Variants in SIRPD observed in about 807,000 individuals in gnomAD.
The protein encoded by SIRPD is signal regulatory protein delta, also known as signal-regulatory protein delta.
SIRPD carries 21 observed loss-of-function variants against 18.0 expected under a neutral mutation model. The ratio of observed to expected loss-of-function variants is 1.17; its 90% confidence interval spans 0.83 to 1.68. The LOEUF is 1.68. SIRPD is among the 40% of genes most tolerant of loss of function. SIRPD has a pLI of 0.00. For synonymous variants in SIRPD, 106 were observed against 92.9 expected (o/e 1.14, Z -0.81); for missense variants, 295 against 238.4 (o/e 1.24, Z -1.56).
At chr20:1,552,434 G>A (rs749556000) in intron 1 of SIRPD, among the ~76,000 whole-genome samples, 1 of 152,156 alleles carries the variant, frequency 6.6e-6, no homozygotes, top group Non-Finnish European at 1.5e-5. Context: ...CACTGAGTTT[G>A]GGGTTGGCCT....
At chr20:1,537,821 A>G (rs1427642707) in intron 2 of SIRPD, among the ~76,000 whole-genome samples, 1 of 152,194 alleles carries the variant, frequency 6.6e-6, no homozygotes, top group Non-Finnish European at 1.5e-5. Flanking sequence ...AAGGAGTTCG[A>G]TCTTGGGAGG....
At chr20:1,550,005 T>C (rs2091011619) in intron 2 of SIRPD, among the ~76,000 whole-genome samples, 1 of 152,200 alleles carries the variant, frequency 6.6e-6, no homozygotes, top group Admixed American at 6.5e-5. Flanking sequence ...GTATTCTCCC[T>C]CTAAACAGCT....
chr20:1,551,804 C>G lies in SIRPD; in HGVS notation c.308G>C (p.Arg103Pro), dbSNP rs544459032. ...ATCAGCAAGAGAGATTTCACGGATGCGGGTGGAAAAGTCTGTGTTGCCAGG... is the reference window on the plus strand; with the variant it reads ...ATCAGCAAGAGAGATTTCACGGATGGGGGTGGAAAAGTCTGTGTTGCCAGG... ...TKPGNTDFST[R>P]IREISLADAG... The change falls in exon 2 of 4, where the codon CGC becomes CCC. Residue 103 changes from arginine to proline, a missense_variant. Coordinates refer to ENST00000381623, the MANE Select transcript of SIRPD (RefSeq NM_178460.3). 1.2e-6 allele frequency: 2 copies of G among 1,614,054 alleles called. No individual in the cohort carries two copies. The highest frequency in any genetic ancestry group is 1.7e-6 in the Non-Finnish European group (2 of 1,179,970).
At chr20:1,556,699 G>T (rs1294032803) in intron 1 of SIRPD, among the ~76,000 whole-genome samples, 1 of 152,094 alleles carries the variant, frequency 6.6e-6, no homozygotes, top group Non-Finnish European at 1.5e-5. Flanking sequence ...ATACAGGGAG[G>T]GTGGTGCCAC....
chr20:1,550,374 G>A (rs564054590), intron 2 of SIRPD, among the ~76,000 whole-genome samples: 6 of 152,216 alleles, frequency 3.9e-5, no homozygotes, highest in Non-Finnish European at 5.9e-5. Context: ...TTGGTAGGAA[G>A]AAGCTGTCTT....
chr20:1,540,361 A>G, intron 2 of SIRPD: 1 of 455,874 alleles, frequency 2.2e-6, no homozygotes, highest in South Asian at 1.6e-5. Context: ...AAACAACTTT[A>G]TTGAGATGTA....
At chr20:1,556,915 G>A (rs1056871795) in intron 1 of SIRPD, among the ~76,000 whole-genome samples, 1 of 152,172 alleles carries the variant, frequency 6.6e-6, no homozygotes, top group Non-Finnish European at 1.5e-5. Flanking sequence ...CAAATGCAGT[G>A]GCAACAGAGA....
chr20:1,545,505 A>G (rs748891666), intron 2 of SIRPD, among the ~76,000 whole-genome samples: 1 of 152,186 alleles, frequency 6.6e-6, no homozygotes, highest in Non-Finnish European at 1.5e-5. Flanking sequence ...TATTCTAGTT[A>G]GCAGTTCCTG....
chr20:1,535,540 G>T (rs1830512292), intron 3 of SIRPD, among the ~76,000 whole-genome samples: 1 of 152,122 alleles, frequency 6.6e-6, no homozygotes, highest in African/African-American at 2.4e-5. Flanking sequence ...TAGTATGCTA[G>T]CATGCTCAGT....
intron 1 of SIRPD, among the ~76,000 whole-genome samples, chr20:1,552,598 G>A (rs2091024319): frequency 6.6e-6 from 1 of 152,148 alleles, no homozygotes; most frequent in African/African-American, 2.4e-5. Flanking sequence ...AGAAGGGAGA[G>A]GGTTTCCTCT....
Position 1,551,910 on chromosome 20 carries a change from T to C in SIRPD, c.202A>G (p.Thr68Ala), listed in dbSNP as rs1600072656. ...TAGATTAATTTCCGGTTTGGCCCTG[T>C]TCCCTTGAACCACAAGACAGGTCCA... ...PNGPVLWFKG[T>A]GPNRKLIYNF... Residue 68 changes from threonine to alanine, a missense_variant, in exon 2 of 4, where the codon ACA becomes GCA. Transcript: ENST00000381623. The C allele has an allele frequency of 6.2e-7, 1 of 1,614,138 alleles. No homozygotes were observed.
intron 2 of SIRPD, among the ~76,000 whole-genome samples, chr20:1,551,489 C>T (rs1337844236): frequency 1.3e-5 from 2 of 152,192 alleles, no homozygotes; most frequent in African/African-American, 4.8e-5. Flanking sequence ...TAGCTCTTAT[C>T]ACTCATCACT....
intron 2 of SIRPD, among the ~76,000 whole-genome samples, chr20:1,550,122 C>T (rs1009382724): frequency 1.3e-5 from 2 of 152,126 alleles, no homozygotes; most frequent in Non-Finnish European, 2.9e-5. Flanking sequence ...GTTCCAGTAC[C>T]CATAACCTGG....
chr20:1,535,678 TTC>T (rs915073224), intron 3 of SIRPD, among the ~76,000 whole-genome samples: 2 of 152,158 alleles, frequency 1.3e-5, no homozygotes, highest in African/African-American at 2.4e-5. Context: ...AAGAAATAGG[TTC>T]TTTTTCTTTA....
At chr20:1,549,451 A>G (rs374942510) in intron 2 of SIRPD, among the ~76,000 whole-genome samples, 1 of 151,420 alleles carries the variant, frequency 6.6e-6, no homozygotes, top group Non-Finnish European at 1.5e-5. Flanking sequence ...GAAACTGGAC[A>G]TCTTAGATAA....
chr20:1,549,227 C>T (rs2091007338), intron 2 of SIRPD, among the ~76,000 whole-genome samples: 1 of 152,074 alleles, frequency 6.6e-6, no homozygotes, highest in Non-Finnish European at 1.5e-5. Flanking sequence ...CTATTTGATG[C>T]AACATTATCA....
chr20:1,553,801 C>T (rs2091028989), intron 1 of SIRPD: 1 of 152,210 alleles, frequency 6.6e-6, no homozygotes, highest in Non-Finnish European at 1.5e-5. Flanking sequence ...ACTAGAAAGG[C>T]TATTAGAAGA....
intron 2 of SIRPD, among the ~76,000 whole-genome samples, chr20:1,550,177 A>G (rs1188841794): frequency 6.6e-6 from 1 of 152,168 alleles, no homozygotes; most frequent in Non-Finnish European, 1.5e-5. Flanking sequence ...TCCTCATCTG[A>G]TAAGGTAGGG....
At chr20:1,554,413 A>G (rs907691552) in intron 1 of SIRPD, 4 of 152,550 alleles carry the variant, frequency 2.6e-5, no homozygotes, top group African/African-American at 9.7e-5. Context: ...GCATCATGTG[A>G]TGGCACCAGT....
Sources: allele counts gnomAD v4.1 joint callset (sites outside exome capture counted in the v4.1 genomes callset), GRCh38; gene constraint gnomAD v4.1.1; transcripts MANE v1.5; gene names NCBI Gene and HGNC (gene_info 2026-07-23, HGNC 2026-07-21).